Variants in NLK observed in about 807,000 individuals in gnomAD.
The protein encoded by NLK is nemo like kinase.
NLK carries 11 observed loss-of-function variants against 59.0 expected under a neutral mutation model. The observed-to-expected ratio is 0.19, with a 90% CI of 0.12 to 0.31. The LOEUF (loss-of-function observed/expected upper bound fraction) is 0.31, where lower values mean the gene tolerates loss of function less well. Among genes scored for constraint, NLK ranks in the 10% least tolerant of loss-of-function variants. The probability of loss-of-function intolerance (pLI) is 1.00; values close to 1 mark genes in which losing one functional copy is unlikely to be tolerated. For synonymous variants in NLK, 235 were observed against 235.9 expected (o/e 1.00, Z 0.03); for missense variants, 410 against 661.1 (o/e 0.62, Z 4.16).
At chr17:28,157,470 T>C (rs1907816339) in intron 3 of NLK, among the ~76,000 whole-genome samples, 1 of 151,996 alleles carries the variant, frequency 6.6e-6, no homozygotes, top group Non-Finnish European at 1.5e-5. Context: ...GGATTACAGA[T>C]GTGAGCCACC....
chr17:28,071,855 C>T (rs1174648425), intron 1 of NLK, among the ~76,000 whole-genome samples: 1 of 152,232 alleles, frequency 6.6e-6, no homozygotes, highest in African/African-American at 2.4e-5. Flanking sequence ...TTTCTCTTGC[C>T]CTGCTTTCAG....
At chr17:28,074,704 C>T (rs1910113255) in intron 1 of NLK, among the ~76,000 whole-genome samples, 1 of 152,064 alleles carries the variant, frequency 6.6e-6, no homozygotes, top group African/African-American at 2.4e-5. Flanking sequence ...TTTTGCCTAG[C>T]ATCTTTTCAC....
At chr17:28,054,377 A>C (rs1909364415) in intron 1 of NLK, among the ~76,000 whole-genome samples, 2 of 152,254 alleles carry the variant, frequency 1.3e-5, no homozygotes, top group African/African-American at 4.8e-5. Context: ...CAAGCTAATT[A>C]ATTATAACAC....
chr17:28,135,627 G>A (rs546484095), intron 3 of NLK, among the ~76,000 whole-genome samples: 18 of 152,334 alleles, frequency 1.2e-4, no homozygotes, highest in Middle Eastern at 3.4e-3. Context: ...GACAGCCCAG[G>A]TCTGCTGAGT....
In NLK at chr17:28,075,125, G is replaced by C. The variant is rs147629474; in HGVS notation, c.458+31794G>C. The stretch of plus-strand genomic sequence containing the variant: ...TTTTACATTGCTCACAAGGAGTATT[G>C]GCTGTGTTAGCCTGCTAGTTTACAT... On this transcript the variant is annotated intron_variant, in intron 1 of 10. Coordinates refer to ENST00000407008, the MANE Select transcript of NLK (RefSeq NM_016231.5). 4.2e-4 allele frequency among the ~76,000 whole-genome samples: 64 copies of C among 152,256 alleles called. 3 individuals carry two copies. The East Asian group carries it at 0.012, about 29-fold the overall frequency.
intron 1 of NLK, among the ~76,000 whole-genome samples, chr17:28,049,245 G>T (rs1418970920): frequency 6.6e-6 from 1 of 152,190 alleles, no homozygotes; most frequent in African/African-American, 2.4e-5. Flanking sequence ...ACTCTTAGTT[G>T]TAATGGTGTG....
At chr17:28,147,563 G>C (rs1166328546) in intron 3 of NLK, among the ~76,000 whole-genome samples, 2 of 152,156 alleles carry the variant, frequency 1.3e-5, no homozygotes, top group Non-Finnish European at 2.9e-5. Context: ...GTAGATGGCT[G>C]CCAGGCTCTA....
chr17:28,200,514 C>T (rs977670759), downstream of NLK, among the ~76,000 whole-genome samples: 1 of 152,172 alleles, frequency 6.6e-6, no homozygotes, highest in East Asian at 1.9e-4. Flanking sequence ...GAGGGAGTCT[C>T]GTTCTATCAC....
chr17:28,182,270 T>A (rs1410469214), intron 7 of NLK, among the ~76,000 whole-genome samples: 1 of 152,186 alleles, frequency 6.6e-6, no homozygotes, highest in Non-Finnish European at 1.5e-5. Flanking sequence ...TTTGTTTGTT[T>A]GTTTGTTGTT....
intron 2 of NLK, among the ~76,000 whole-genome samples, chr17:28,130,749 G>A (rs938791872): frequency 6.6e-6 from 1 of 152,268 alleles, no homozygotes; most frequent in Non-Finnish European, 1.5e-5. Flanking sequence ...TCCGAAAGAT[G>A]TCAAGTAAAA....
chr17:28,064,607 A>G (rs1284308934), intron 1 of NLK, among the ~76,000 whole-genome samples: 1 of 152,192 alleles, frequency 6.6e-6, no homozygotes, highest in East Asian at 1.9e-4. Flanking sequence ...TATGTTGCCT[A>G]GGCTGTCCTT....
intron 1 of NLK, among the ~76,000 whole-genome samples, chr17:28,114,670 G>T (rs1365687302): frequency 6.6e-6 from 1 of 152,118 alleles, no homozygotes; most frequent in African/African-American, 2.4e-5. Flanking sequence ...TTCTAAAAGC[G>T]ATGTGATTTT....
chr17:28,083,963 G>T (rs1402549293), intron 1 of NLK, among the ~76,000 whole-genome samples: 1 of 152,094 alleles, frequency 6.6e-6, no homozygotes, highest in Non-Finnish European at 1.5e-5. Context: ...CATGAGAACT[G>T]CTTGTGCCTA....
At chr17:28,163,423 T>C in intron 4 of NLK, 120 bp from the exon 5 acceptor site, 1 of 613,136 alleles carries the variant, frequency 1.6e-6, no homozygotes, top group Non-Finnish European at 2.9e-6. Flanking sequence ...TAATGTTCAT[T>C]ATGCAGTTAT....
At chr17:28,119,977 C>T (rs1286479217) in intron 1 of NLK, among the ~76,000 whole-genome samples, 1 of 152,252 alleles carries the variant, frequency 6.6e-6, no homozygotes, top group East Asian at 1.9e-4. Flanking sequence ...AAATGGCAGT[C>T]ATGAAAGACA....
At chr17:28,113,136 T>A (rs1275116251) in intron 1 of NLK, among the ~76,000 whole-genome samples, 1 of 152,186 alleles carries the variant, frequency 6.6e-6, no homozygotes, top group Non-Finnish European at 1.5e-5. Flanking sequence ...TTTGCCTTTT[T>A]AAAAAACCTT....
chr17:28,096,009 C>T (rs1306081682), intron 1 of NLK, among the ~76,000 whole-genome samples: 2 of 152,138 alleles, frequency 1.3e-5, no homozygotes, highest in African/African-American at 4.8e-5. Flanking sequence ...ATCTTACTTC[C>T]TGTTGCAAGG....
intron 2 of NLK, 56 bp from the exon 3 acceptor site, chr17:28,132,564 C>T (rs557017969): frequency 1.2e-5 from 16 of 1,347,410 alleles, no homozygotes; most frequent in African/African-American, 4.4e-5. Flanking sequence ...GCATTTATGT[C>T]GAATTTTGTT....
intron 6 of NLK, among the ~76,000 whole-genome samples, chr17:28,172,239 AT>A (rs1157259708): frequency 1.6e-5 from 2 of 121,242 alleles, no homozygotes; most frequent in Non-Finnish European, 1.8e-5. Flanking sequence ...ATTTATTTAA[AT>A]TCCTTTACAT....
Sources: gnomAD v4.1 joint callset for allele counts (sites outside exome capture counted in the v4.1 genomes callset) on GRCh38, gnomAD v4.1.1 for gene constraint, MANE v1.5 for transcripts, NCBI Gene and HGNC (gene_info 2026-07-23, HGNC 2026-07-21) for gene names.